Variants in MTHFD2L observed in about 807,000 individuals in gnomAD.
The protein encoded by MTHFD2L is bifunctional methylenetetrahydrofolate dehydrogenase/cyclohydrolase 2, mitochondrial.
In MTHFD2L, 29 loss-of-function variants were observed where a neutral mutation model predicts 34.9. The ratio of observed to expected loss-of-function variants is 0.83; its 90% confidence interval spans 0.62 to 1.13. The LOEUF is 1.13. MTHFD2L is among the 50% of genes most tolerant of loss of function. The probability of loss-of-function intolerance (pLI) is 0.00; values close to 1 mark genes in which losing one functional copy is unlikely to be tolerated. For missense variants in MTHFD2L, 481 were observed against 446.5 expected (o/e 1.08, Z -0.70); for synonymous variants, 167 against 155.7 (o/e 1.07, Z -0.54).
At chr4:74,236,347 A>T (rs1037848571) in intron 6 of MTHFD2L, among the ~76,000 whole-genome samples, 5 of 152,100 alleles carry the variant, frequency 3.3e-5, no homozygotes, top group African/African-American at 1.2e-4. Context: ...TGATTTTTTG[A>T]TTTCTAAACT....
chr4:74,238,044 A>C (rs1021693629), intron 6 of MTHFD2L, among the ~76,000 whole-genome samples: 1 of 152,162 alleles, frequency 6.6e-6, no homozygotes, highest in Non-Finnish European at 1.5e-5. Flanking sequence ...ATTTTATTAG[A>C]TCTATAGTCA....
At chr4:74,292,043 C>A (rs971029137) in intron 7 of MTHFD2L, among the ~76,000 whole-genome samples, 5 of 152,138 alleles carry the variant, frequency 3.3e-5, no homozygotes, top group African/African-American at 1.2e-4. Flanking sequence ...ATTATAAAAG[C>A]CCCTCTGTGA....
At chr4:74,219,669 A>G (rs1482442080) in intron 5 of MTHFD2L, among the ~76,000 whole-genome samples, 2 of 152,130 alleles carry the variant, frequency 1.3e-5, no homozygotes, top group African/African-American at 4.8e-5. Flanking sequence ...TCACCAGCAA[A>G]GGTCAGAAGA....
At chr4:74,121,970 T>A (rs1721787965), upstream of MTHFD2L, among the ~76,000 whole-genome samples, 1 of 152,054 alleles carries the variant, frequency 6.6e-6, no homozygotes, top group African/African-American at 2.4e-5. Context: ...GAAACCTTGA[T>A]CTTGGACTTC....
At chr4:74,257,578 A>C (rs1381106952) in intron 6 of MTHFD2L, among the ~76,000 whole-genome samples, 2 of 152,200 alleles carry the variant, frequency 1.3e-5, no homozygotes, top group African/African-American at 4.8e-5. Context: ...AGTTATAACT[A>C]TGTGTGTATC....
At position 74,301,901 on chromosome 4, in the gene MTHFD2L, T is replaced by G; in HGVS notation, c.*92T>G. 2 of 592,080 alleles carry G rather than the reference T, an allele frequency of 3.4e-6. No individual in the cohort carries two copies. Among genetic ancestry groups the G allele is most frequent in the Admixed American group, 7.7e-5 (2 of 25,900 alleles). The allele number at this position is 592,080 out of a possible 1,614,324, so 36.7% of individuals were successfully genotyped here. The stretch of plus-strand genomic sequence containing the variant: ...TATATTTTACTACAAAGCTATTTAT[T>G]TCTACATGGTATTTATTTTTTCATG... On this transcript the variant is annotated 3_prime_UTR_variant, in exon 8 of 8. Coordinates refer to ENST00000325278, the MANE Select transcript of MTHFD2L (RefSeq NM_001144978.3).
intron 6 of MTHFD2L, among the ~76,000 whole-genome samples, chr4:74,231,389 C>CA (rs1383472728): frequency 6.6e-6 from 1 of 152,120 alleles, no homozygotes; most frequent in African/African-American, 2.4e-5. Context: ...GAAATAGCTC[C>CA]ACCATCCCCA....
In MTHFD2L at chr4:74,270,101, T is replaced by A. The variant is rs557301405; in HGVS notation, c.806-11324T>A. 1.3e-3 allele frequency among the ~76,000 whole-genome samples: 193 copies of A among 152,168 alleles called. 2 individuals carry two copies. The highest frequency in any genetic ancestry group is 4.2e-3 in the African/African-American group (174 of 41,544). On this transcript the variant is annotated intron_variant, in intron 6 of 7. Coordinates refer to ENST00000325278, the MANE Select transcript of MTHFD2L (RefSeq NM_001144978.3). ...GGTATTCTTTTTTTAAATAGAAAGA[T>A]AAAGGTTAGTTTTAGTCATTAGCTA... is the stretch of plus-strand genomic sequence containing the variant.
Position 74,216,342 on chromosome 4 carries a change from CTACCTA to C in MTHFD2L, c.713-8958_713-8953del, listed in dbSNP as rs571086664. Among the ~76,000 whole-genome samples the C allele has an allele frequency of 2.5e-3, 377 of 151,862 alleles. 4 individuals carry two copies. In the Middle Eastern group the frequency reaches 0.058, roughly 23 times the overall value. On this transcript the variant is annotated intron_variant, in intron 5 of 7. Transcript: ENST00000325278. ...TCATCAGGAGGCTTTAAAAATAGAGCTACCTATGCCCAACACAGATAAAAATTAAAT... is the reference window on the plus strand; with the variant it reads ...TCATCAGGAGGCTTTAAAAATAGAGCTGCCCAACACAGATAAAAATTAAAT...
At chr4:74,127,805 T>C (rs1483557371) in intron 1 of MTHFD2L, among the ~76,000 whole-genome samples, 1 of 152,132 alleles carries the variant, frequency 6.6e-6, no homozygotes, top group Non-Finnish European at 1.5e-5. Flanking sequence ...CTATTTTCAG[T>C]TTTTGGAGGA....
intron 1 of MTHFD2L, 70 bp downstream of exon 1, chr4:74,158,351 TCG>T: frequency 9.0e-7 from 1 of 1,115,142 alleles, no homozygotes; most frequent in African/African-American, 1.7e-5. Flanking sequence ...CGGGCGGCGC[TCG>T]CGCGCGTGGG....
At chr4:74,257,236 C>A (rs1214627343) in intron 6 of MTHFD2L, among the ~76,000 whole-genome samples, 6 of 152,082 alleles carry the variant, frequency 3.9e-5, no homozygotes, top group African/African-American at 1.4e-4. Context: ...AATGGGATTG[C>A]ATTCCTGACT....
rs767390123 is a variant in MTHFD2L at position 74,201,286 on chromosome 4, G to A, written c.628G>A (p.Val210Met). 8 of 1,613,588 alleles carry A rather than the reference G, an allele frequency of 5.0e-6. No homozygotes were observed. The highest frequency in any genetic ancestry group is 6.8e-6 in the Non-Finnish European group (8 of 1,179,702). The change falls in exon 5 of 8, where the codon GTG becomes ATG. Residue 210 changes from valine to methionine, a missense_variant. Transcript: ENST00000325278. ...RTGIQTFGKN[V>M]VVAGRSKNVG... Reference sequence around the variant, plus strand: ...AGGAATTCAAACATTTGGAAAAAATGTGGTTGTGGCTGGAAGATCCAAGAA... The same window carrying A: ...AGGAATTCAAACATTTGGAAAAAATATGGTTGTGGCTGGAAGATCCAAGAA...
intron 1 of MTHFD2L, among the ~76,000 whole-genome samples, chr4:74,136,410 T>C (rs1247194012): frequency 1.3e-5 from 2 of 151,358 alleles, no homozygotes; most frequent in African/African-American, 4.9e-5. Flanking sequence ...GGGAATCAAT[T>C]GAAACCAAAG....
chr4:74,168,645 T>C (rs1177243492), intron 1 of MTHFD2L, among the ~76,000 whole-genome samples: 2 of 152,216 alleles, frequency 1.3e-5, no homozygotes, highest in Non-Finnish European at 2.9e-5. Context: ...TTTCAGCACA[T>C]AGGAGACTTT....
At chr4:74,258,228 G>A (rs1744265947) in intron 6 of MTHFD2L, among the ~76,000 whole-genome samples, 1 of 152,110 alleles carries the variant, frequency 6.6e-6, no homozygotes, top group Non-Finnish European at 1.5e-5. Context: ...ACCCTTCTAA[G>A]TACGTAGCCT....
chr4:74,258,337 T>C (rs560770799), intron 6 of MTHFD2L, among the ~76,000 whole-genome samples: 8 of 152,026 alleles, frequency 5.3e-5, no homozygotes, highest in Non-Finnish European at 1.0e-4. Context: ...TAGGCATTCA[T>C]TGATGGATGA....
At chr4:74,138,814 G>A (rs1323387354) in intron 1 of MTHFD2L, among the ~76,000 whole-genome samples, 1 of 152,180 alleles carries the variant, frequency 6.6e-6, no homozygotes, top group East Asian at 1.9e-4. Flanking sequence ...CCCAAAGCGG[G>A]TTGCCGCTCC....
intron 6 of MTHFD2L, chr4:74,267,391 C>G (rs1222003725): frequency 1.0e-4 from 35 of 349,872 alleles, no homozygotes; most frequent in Non-Finnish European, 1.3e-4. Context: ...TTCTTTCTTT[C>G]TTTTCTTTCT....
Sources: gnomAD v4.1 joint callset for allele counts (sites outside exome capture counted in the v4.1 genomes callset) on GRCh38, gnomAD v4.1.1 for gene constraint, MANE v1.5 for transcripts, NCBI Gene and HGNC (gene_info 2026-07-23, HGNC 2026-07-21) for gene names.